DNAH11: variants seen among roughly 807,000 people sequenced by gnomAD.
DNAH11 encodes the protein axonemal beta dynein heavy chain 11.
DNAH11 carries 442 observed loss-of-function variants against 526.0 expected under a neutral mutation model. That is an observed-to-expected ratio of 0.84 (90% confidence interval 0.78 to 0.91). DNAH11 has a LOEUF of 0.91. Ranked by LOEUF, DNAH11 falls within the 40% of genes least tolerant of loss-of-function variation. DNAH11 has a pLI of 0.00. For synonymous variants in DNAH11, 2,461 were observed against 1,935.9 expected (o/e 1.27, Z -7.12); for missense variants, 6,989 against 5,448.7 (o/e 1.28, Z -8.90).
At chr7:21,708,967 G>A (rs755679537) in intron 40 of DNAH11, among the ~76,000 whole-genome samples, 9 of 152,156 alleles carry the variant, frequency 5.9e-5, no homozygotes, top group African/African-American at 1.4e-4. Context: ...AAAAGGGACC[G>A]CTTATAGACT....
intron 45 of DNAH11, among the ~76,000 whole-genome samples, chr7:21,729,275 A>G (rs898908575): frequency 6.6e-6 from 1 of 152,118 alleles, no homozygotes; most frequent in Non-Finnish European, 1.5e-5. Context: ...CTTTACCCCA[A>G]GCTGGCAATA....
At chr7:21,776,314 C>CA (rs1410481087) in intron 56 of DNAH11, among the ~76,000 whole-genome samples, 2 of 152,042 alleles carry the variant, frequency 1.3e-5, no homozygotes, top group Non-Finnish European at 2.9e-5. Flanking sequence ...CTCTTACTAT[C>CA]AAAAAAGTGG....
intron 63 of DNAH11, among the ~76,000 whole-genome samples, chr7:21,809,178 C>A (rs1789400812): frequency 6.6e-6 from 1 of 152,094 alleles, no homozygotes; most frequent in South Asian, 2.1e-4. Flanking sequence ...ATTTGTACAT[C>A]TTCTTCTGAG....
intron 72 of DNAH11, 45 bp from the exon 73 acceptor site, chr7:21,868,819 C>T: frequency 6.2e-7 from 1 of 1,611,820 alleles, no homozygotes; most frequent in East Asian, 2.2e-5. Flanking sequence ...TCCTCTCACC[C>T]TCCTTCATAG....
rs114286628 is a variant in DNAH11 at position 21,725,869 on chromosome 7, A to G, written c.7325A>G (p.Lys2442Arg). 2.0e-4 allele frequency: 327 copies of G among 1,611,292 alleles called. No individual in the cohort carries two copies. The African/African-American group carries it at 3.2e-3, about 16-fold the overall frequency. The change falls in exon 45 of 82, where the codon AAA becomes AGA. Residue 2442 changes from lysine (K) to arginine (R), a missense_variant. By Grantham distance (26) the Lys-to-Arg change is conservative. Coordinates refer to ENST00000409508, the MANE Select transcript of DNAH11 (RefSeq NM_001277115.2). ...RWWQKEMKAV[K>R]FPSQGTIFDY... ...TGGCAGAAAGAGATGAAAGCAGTGA[A>G]ATTTCCGTCGCAGGGAACAATCTTT...
Position 21,773,867 on chromosome 7 carries a change from T to C in DNAH11, c.9204T>C (p.Tyr3068=). 1.2e-6 allele frequency: 2 copies of C among 1,607,408 alleles called. No individual in the cohort carries two copies. Among genetic ancestry groups the C allele is most frequent in the Non-Finnish European group, 1.7e-6 (2 of 1,176,894 alleles). ...ACCAGAATGAGAGAAGACACAACTA[T>C]ACCACCCCAAAGAGTTTTCTAGAAC... is the stretch of plus-strand genomic sequence containing the variant. ...RYYQNERRHN[Y]TTPKSFLEQI... is the part of the protein sequence containing the mutation. Residue 3068 remains tyrosine, a synonymous_variant, in exon 56 of 82, where the codon TAT becomes TAC. Transcript: ENST00000409508.
At chr7:21,873,131 A>C (rs1783564388) in intron 73 of DNAH11, 143 bp from the exon 74 acceptor site, 1 of 759,068 alleles carries the variant, frequency 1.3e-6, no homozygotes, top group Non-Finnish European at 2.2e-6. Flanking sequence ...GATAAAGGAA[A>C]ATTTTTATGA....
At chr7:21,677,746 A>T (rs781274682) in intron 30 of DNAH11, among the ~76,000 whole-genome samples, 3 of 152,162 alleles carry the variant, frequency 2.0e-5, no homozygotes, top group Non-Finnish European at 4.4e-5. Flanking sequence ...TGCCAACAAG[A>T]TCTTTTGACT....
intron 52 of DNAH11, 42 bp downstream of exon 52, chr7:21,748,784 G>T: frequency 1.3e-6 from 2 of 1,572,252 alleles, no homozygotes; most frequent in African/African-American, 1.4e-5. Flanking sequence ...CCTTCTGCTT[G>T]GCAGATAAAG....
intron 26 of DNAH11, among the ~76,000 whole-genome samples, chr7:21,636,334 T>C (rs751142059): frequency 1.4e-4 from 22 of 152,294 alleles, no homozygotes; most frequent in Non-Finnish European, 2.8e-4. Context: ...AATAAACAAA[T>C]GGATATGGTT....
At position 21,702,857 on chromosome 7, in the gene DNAH11, C is replaced by T. The variant is rs115233361; in HGVS notation, c.6273+55C>T. On this transcript the variant is annotated intron_variant, in intron 37 of 81. Transcript: ENST00000409508. ...GTGAGTAGCTGGCCTGCTTCACAGA[C>T]ATGAAAGTATATGCCTGGATGGTGG... The T allele has an allele frequency of 4.3e-4, 638 of 1,475,878 alleles. 4 individuals are homozygous for T. The African/African-American group carries it at 8.2e-3, about 19-fold the overall frequency. The allele number at this position is 1,475,878 out of a possible 1,614,324, so 91.4% of individuals were successfully genotyped here.
At chr7:21,688,604 T>C (rs1202521959) in intron 34 of DNAH11, among the ~76,000 whole-genome samples, 1 of 152,206 alleles carries the variant, frequency 6.6e-6, no homozygotes, top group Non-Finnish European at 1.5e-5. Context: ...ACTGGAGGTC[T>C]CCCAGGCTTC....
chr7:21,735,357 G>C (rs1031831257), intron 45 of DNAH11, among the ~76,000 whole-genome samples: 19 of 152,158 alleles, frequency 1.2e-4, no homozygotes, highest in African/African-American at 4.6e-4. Context: ...AGCCTTGGGG[G>C]CTAGTACTTA....
chr7:21,770,249 TATC>T (rs1787375685), intron 55 of DNAH11, among the ~76,000 whole-genome samples: 1 of 152,212 alleles, frequency 6.6e-6, no homozygotes, highest in African/African-American at 2.4e-5. Flanking sequence ...CATAATGAGA[TATC>T]ATGGGGATGG....
chr7:21,559,881 T>C (rs1468262770), intron 4 of DNAH11, 89 bp downstream of exon 4: 1 of 1,135,368 alleles, frequency 8.8e-7, no homozygotes, highest in East Asian at 2.6e-5. Flanking sequence ...TAACACACTG[T>C]CTTTGTATAA....
chr7:21,736,576 A>G (rs551929097), intron 46 of DNAH11, among the ~76,000 whole-genome samples: 1 of 152,326 alleles, frequency 6.6e-6, no homozygotes, highest in East Asian at 1.9e-4. Context: ...CCTTAGCTAT[A>G]TCAGTGGAGA....
chr7:21,763,071 C>T (rs567007559), intron 54 of DNAH11, among the ~76,000 whole-genome samples: 33 of 152,082 alleles, frequency 2.2e-4, no homozygotes, highest in Non-Finnish European at 3.4e-4. Context: ...AGGCCAGGTG[C>T]GGTGGCTCAC....
At chr7:21,734,942 C>A (rs563674469) in intron 45 of DNAH11, among the ~76,000 whole-genome samples, 1 of 151,928 alleles carries the variant, frequency 6.6e-6, no homozygotes, top group South Asian at 2.1e-4. Context: ...GAGCCCGAGG[C>A]GGGTGGATCA....
chr7:21,781,116 C>G (rs1216460474), intron 57 of DNAH11, among the ~76,000 whole-genome samples: 1 of 152,152 alleles, frequency 6.6e-6, no homozygotes, highest in Non-Finnish European at 1.5e-5. Flanking sequence ...CAGCAATGTG[C>G]TAGATACTAT....
Sources: allele counts gnomAD v4.1 joint callset (sites outside exome capture counted in the v4.1 genomes callset), GRCh38; gene constraint gnomAD v4.1.1; transcripts MANE v1.5; gene names NCBI Gene and HGNC (gene_info 2026-07-23, HGNC 2026-07-21).